Variants in KBTBD12 observed in about 807,000 individuals in gnomAD.
The protein encoded by KBTBD12 is kelch repeat and BTB domain containing 12.
In KBTBD12, 53 loss-of-function variants were observed where a neutral mutation model predicts 58.7. That is an observed-to-expected ratio of 0.90 (90% CI 0.72 to 1.14). KBTBD12 has a LOEUF of 1.14. Among genes scored for constraint, KBTBD12 ranks in the 50% most tolerant of loss-of-function variants. KBTBD12 has a pLI of 0.00. For missense variants in KBTBD12, 704 were observed against 751.3 expected (o/e 0.94, Z 0.74); for synonymous variants, 236 against 259.8 (o/e 0.91, Z 0.88).
rs370404631 is a variant in KBTBD12 at position 127,920,552 on chromosome 3, A to G, written c.-112-2398A>G. On this transcript the variant is annotated intron_variant, in intron 1 of 5. Transcript: ENST00000405109. ...TTCAGCAGAACATGGAGAGTTTCCT[A>G]GAAAAGAAGGCACGGTCATATATCA... Among the ~76,000 whole-genome samples the G allele has an allele frequency of 1.2e-4, 18 of 152,294 alleles. No homozygotes were observed. In the South Asian group the frequency reaches 3.7e-3, roughly 32 times the overall value.
chr3:127,919,003 A>G (rs1381988271), intron 1 of KBTBD12, among the ~76,000 whole-genome samples: 1 of 152,174 alleles, frequency 6.6e-6, no homozygotes, highest in Non-Finnish European at 1.5e-5. Flanking sequence ...AAACTGGGAC[A>G]TCATTTTCTG....
intron 4 of KBTBD12, among the ~76,000 whole-genome samples, chr3:127,953,083 G>A (rs765193794): frequency 6.6e-5 from 10 of 152,230 alleles, no homozygotes; most frequent in Non-Finnish European, 1.3e-4. Flanking sequence ...AACTCATGCA[G>A]TTGTTGCAAA....
chr3:127,957,378 CTCTT>C (rs1559770190), intron 4 of KBTBD12, among the ~76,000 whole-genome samples: 1 of 152,126 alleles, frequency 6.6e-6, no homozygotes, highest in East Asian at 1.9e-4. Flanking sequence ...AATTTTGTGT[CTCTT>C]TCATTTCTAA....
At chr3:127,934,459 A>C (rs1444638741) in intron 4 of KBTBD12, among the ~76,000 whole-genome samples, 1 of 152,158 alleles carries the variant, frequency 6.6e-6, no homozygotes, top group Non-Finnish European at 1.5e-5. Context: ...GGAATATCAA[A>C]CCTATGAACA....
intron 5 of KBTBD12, chr3:127,963,853 G>A (rs1940505117): frequency 6.5e-6 from 1 of 153,548 alleles, no homozygotes; most frequent in Non-Finnish European, 1.4e-5. Context: ...GCTGAAAGTG[G>A]AGTACTGATC....
At chr3:127,962,945 G>A (rs1310863731) in intron 4 of KBTBD12, among the ~76,000 whole-genome samples, 1 of 152,206 alleles carries the variant, frequency 6.6e-6, no homozygotes, top group African/African-American at 2.4e-5. Context: ...GCCAGTGGTA[G>A]ACTCAGTCTC....
intron 4 of KBTBD12, 80 bp from the exon 5 acceptor site, chr3:127,963,109 C>G: frequency 8.0e-7 from 1 of 1,250,318 alleles, no homozygotes; most frequent in Non-Finnish European, 1.1e-6. Flanking sequence ...ACCTTTGATA[C>G]AAACCATGCA....
Position 127,923,892 on chromosome 3 carries a change from G to T in KBTBD12, c.831G>T (p.Leu277=). Residue 277 remains leucine, a synonymous_variant, in exon 2 of 6, where the codon CTG becomes CTT. Transcript: ENST00000405109. ...LRYGMETTSL[L]LCIGNNSSGI... is the part of the protein sequence containing the mutation. ...ATGGTATGGAGACTACCAGTCTTCT[G>T]CTTTGCATTGGCAACAATTCTTCAG... 1 of 1,613,914 alleles carries T rather than the reference G, an allele frequency of 6.2e-7. No individual in the cohort carries two copies. Among genetic ancestry groups the T allele is most frequent in the East Asian group, 2.2e-5 (1 of 44,880 alleles).
chr3:127,931,023 AG>A (rs1479880748), intron 4 of KBTBD12, among the ~76,000 whole-genome samples: 9 of 152,156 alleles, frequency 5.9e-5, no homozygotes. Context: ...AGAAACAATG[AG>A]GCAGGGAGGT....
intron 5 of KBTBD12, among the ~76,000 whole-genome samples, chr3:127,967,684 T>C (rs181987730): frequency 6.6e-6 from 1 of 152,202 alleles, no homozygotes; most frequent in African/African-American, 2.4e-5. Context: ...TTTTAAGGAA[T>C]AAGACTTGTA....
At chr3:127,929,855 T>TA (rs1017887006) in intron 3 of KBTBD12, among the ~76,000 whole-genome samples, 358 of 144,628 alleles carry the variant, frequency 2.5e-3, no homozygotes, top group South Asian at 3.5e-3. Flanking sequence ...GTTGCTTCTT[T>TA]AAAAAAAAAA....
chr3:127,984,440 T>G lies in KBTBD12; in HGVS notation c.*162T>G. 1 of 645,334 alleles carries G rather than the reference T, an allele frequency of 1.5e-6. No individual in the cohort carries two copies. The highest frequency in any genetic ancestry group is 2.6e-6 in the Non-Finnish European group (1 of 385,848). 40.0% of individuals were successfully genotyped at this position (645,334 alleles called of 1,614,324 possible). On this transcript the variant is annotated 3_prime_UTR_variant, in exon 6 of 6. Coordinates refer to ENST00000405109, the MANE Select transcript of KBTBD12 (RefSeq NM_207335.4). ...GGCACTGGGTGGGGAGCATGGGGAG[T>G]CTCCCTTCAGGGACTTCCCAGCCTG...
At position 127,924,087 on chromosome 3, in the gene KBTBD12, C is replaced by T; in HGVS notation, c.1026C>T (p.Ala342=). Residue 342 remains alanine (A), a synonymous_variant, in exon 2 of 6, where the codon GCC becomes GCT. Coordinates refer to ENST00000405109, the MANE Select transcript of KBTBD12 (RefSeq NM_207335.4). ...NTIIVAGEAS[A]SKLSRQKNKN... is the part of the protein sequence containing the mutation. ...TAATTGTGGCTGGAGAAGCAAGTGCCTCTAAACTCTCTAGACAAAAGAACA... is the reference window on the plus strand; with the variant it reads ...TAATTGTGGCTGGAGAAGCAAGTGCTTCTAAACTCTCTAGACAAAAGAACA... The T allele has an allele frequency of 6.2e-7, 1 of 1,613,334 alleles. No homozygotes were observed.
intron 5 of KBTBD12, among the ~76,000 whole-genome samples, chr3:127,963,927 CACTTGAAATAAATG>C (rs1940507230): frequency 6.6e-6 from 1 of 152,136 alleles, no homozygotes; most frequent in African/African-American, 2.4e-5. Flanking sequence ...CCATGACTAC[CACTTGAAATAAATG>C]GCTTGAAAGC....
intron 4 of KBTBD12, among the ~76,000 whole-genome samples, chr3:127,932,430 A>C (rs1402647098): frequency 1.3e-5 from 2 of 152,168 alleles, no homozygotes; most frequent in Non-Finnish European, 2.9e-5. Flanking sequence ...TCTTAGCAAA[A>C]GCCCTGTCTG....
intron 4 of KBTBD12, among the ~76,000 whole-genome samples, chr3:127,945,534 C>T (rs1940060872): frequency 6.6e-6 from 1 of 151,668 alleles, no homozygotes; most frequent in African/African-American, 2.4e-5. Context: ...ATTTGCATTT[C>T]CATAATGGCT....
At position 127,923,007 on chromosome 3, in the gene KBTBD12, C is replaced by G; in HGVS notation, c.-55C>G. 9.8e-7 allele frequency: 1 copy of G among 1,015,754 alleles called. No homozygotes were observed. The highest frequency in any genetic ancestry group is 1.5e-6 in the Non-Finnish European group (1 of 667,548). 62.9% of individuals were successfully genotyped at this position (1,015,754 alleles called of 1,614,324 possible). On this transcript the variant is annotated 5_prime_UTR_variant, in exon 2 of 6. Transcript: ENST00000405109. ...GTAATCAGACATGCAAATAGCCCCTCAGGAATCAAGCTACACTTAAAGAAG... is the reference window on the plus strand; with the variant it reads ...GTAATCAGACATGCAAATAGCCCCTGAGGAATCAAGCTACACTTAAAGAAG...
intron 5 of KBTBD12, among the ~76,000 whole-genome samples, chr3:127,967,053 T>G (rs960887845): frequency 6.6e-6 from 1 of 152,244 alleles, no homozygotes; most frequent in African/African-American, 2.4e-5. Context: ...CCAAAATTTT[T>G]TCTCCTGTGT....
At chr3:127,922,907 G>C (rs1298399409) in intron 1 of KBTBD12, 43 bp from the exon 2 acceptor site, 1 of 563,154 alleles carries the variant, frequency 1.8e-6, no homozygotes, top group Non-Finnish European at 3.2e-6. Context: ...AAATTATAGA[G>C]AATTTTTTCT....
Sources: allele counts gnomAD v4.1 joint callset (sites outside exome capture counted in the v4.1 genomes callset), GRCh38; gene constraint gnomAD v4.1.1; transcripts MANE v1.5; gene names NCBI Gene and HGNC (gene_info 2026-07-23, HGNC 2026-07-21).